Variants in S1PR4 observed in about 807,000 individuals in gnomAD.
The protein encoded by S1PR4 is sphingosine 1-phosphate receptor 4.
S1PR4 carries 1 observed loss-of-function variant against 0.4 expected under a neutral mutation model. That is an observed-to-expected ratio of 2.48 (90% CI 0.88 to 11.76). The LOEUF (loss-of-function observed/expected upper bound fraction) is 11.76, where lower values mean the gene tolerates loss of function less well. Ranked by LOEUF, S1PR4 falls within the 30% of genes most tolerant of loss-of-function variation. The pLI is 0.12. For synonymous variants in S1PR4, 296 were observed against 266.7 expected, an observed-to-expected ratio of 1.11 and a Z score of -1.07; for missense variants, 595 against 557.8, an observed-to-expected ratio of 1.07 and a Z score of -0.67.
chr19:3,180,044 A>G lies in S1PR4; in HGVS notation c.*97A>G. On this transcript the variant is annotated 3_prime_UTR_variant, in exon 1 of 1. Coordinates refer to ENST00000246115, the MANE Select transcript of S1PR4 (RefSeq NM_003775.4). ...GCTGTGTGCACGCAGCCTCGCCTGT[A>G]TGGGGAGCAGGGAACGGGACAGGCC... The G allele has an allele frequency of 8.1e-7, 1 of 1,237,050 alleles. No individual in the cohort carries two copies. Among genetic ancestry groups the G allele is most frequent in the Non-Finnish European group, 1.1e-6 (1 of 896,640 alleles). The allele number at this position is 1,237,050 out of a possible 1,614,324, so 76.6% of individuals were successfully genotyped here.
rs762368189 is a variant in S1PR4, at chr19:3,179,001, C to T, written c.209C>T (p.Ala70Val). The T allele has an allele frequency of 8.2e-6, 13 of 1,588,020 alleles. No individual in the cohort carries two copies. The highest frequency in any genetic ancestry group is 1.1e-5 in the South Asian group (1 of 89,468). The change falls in exon 1 of 1, where the codon GCC becomes GTC. Residue 70 changes from alanine to valine, a missense_variant. Transcript: ENST00000246115. ...CTGGAGAACTTGCTGGTGCTGGCGG[C>T]CATCACCAGCCACATGCGGTCGCGA... ...VVLENLLVLAAITSHMRSRRW... is the reference protein window; with the variant it reads ...VVLENLLVLAVITSHMRSRRW...
At position 3,178,850 on chromosome 19, in the gene S1PR4, G is replaced by A. The variant is rs755109529; in HGVS notation, c.58G>A (p.Gly20Arg). 43 of 1,534,566 alleles carry A rather than the reference G, an allele frequency of 2.8e-5. No homozygotes were observed. Among genetic ancestry groups the A allele is most frequent in the Admixed American group, 4.0e-5 (2 of 50,296 alleles). ...GTCCTGCCAACAGCTGGCGGCCGGC[G>A]GGCACAGCCGGCTCATTGTTCTGCA... ...PESCQQLAAGGHSRLIVLHYN... is the reference protein window; with the variant it reads ...PESCQQLAAGRHSRLIVLHYN... The change falls in exon 1 of 1, where the codon GGG (glycine) becomes AGG (arginine). Residue 20 changes from glycine to arginine, a missense_variant. Transcript: ENST00000246115.
Position 3,179,520 on chromosome 19 carries a change from G to A in S1PR4, c.728G>A (p.Arg243His), listed in dbSNP as rs566167311. ...CAGAAGGCCCCACGCCCAGCGGCCC[G>A]CCGCAAGGCCCGCCGCCTGCTGAAG... is the stretch of plus-strand genomic sequence containing the variant. The part of the protein sequence containing the change: ...SGQKAPRPAA[R>H]RKARRLLKTV... The change falls in exon 1 of 1, where the codon CGC becomes CAC. Residue 243 changes from arginine to histidine, a missense_variant. Coordinates refer to ENST00000246115, the MANE Select transcript of S1PR4 (RefSeq NM_003775.4). 1.9e-4 allele frequency: 303 copies of A among 1,611,256 alleles called. 1 individual carries two copies. Among genetic ancestry groups the A allele is most frequent in the South Asian group, 8.1e-4 (74 of 90,922 alleles).
At position 3,178,783 on chromosome 19, in the gene S1PR4, G is replaced by A. The variant is rs534853892; in HGVS notation, c.-10G>A. On this transcript the variant is annotated 5_prime_UTR_variant, in exon 1 of 1. Coordinates refer to ENST00000246115, the MANE Select transcript of S1PR4 (RefSeq NM_003775.4). ...CTGCGTCGGGCCTCAGTCAGCCCCC[G>A]GGGGAGGCCATGAACGCCACGGGGA... 4.6e-5 allele frequency: 68 copies of A among 1,472,622 alleles called. No homozygotes were observed. Among genetic ancestry groups the A allele is most frequent in the South Asian group, 1.2e-4 (9 of 74,122 alleles). The allele number at this position is 1,472,622 out of a possible 1,614,324, so 91.2% of individuals were successfully genotyped here.
In S1PR4 at chr19:3,178,839, T is replaced by C; in HGVS notation, c.47T>C (p.Leu16Pro). Residue 16 changes from leucine (L) to proline (P), a missense_variant, in exon 1 of 1, where the codon CTG (leucine) becomes CCG (proline). Physicochemically the swap from Leu to Pro is moderately conservative, Grantham distance 98. Coordinates refer to ENST00000246115, the MANE Select transcript of S1PR4 (RefSeq NM_003775.4). ...GTGGCCCCCGAGTCCTGCCAACAGC[T>C]GGCGGCCGGCGGGCACAGCCGGCTC... ...TPVAPESCQQLAAGGHSRLIV... is the reference protein window; with the variant it reads ...TPVAPESCQQPAAGGHSRLIV... 2 of 1,535,556 alleles carry C rather than the reference T, an allele frequency of 1.3e-6. No individual in the cohort carries two copies. The highest frequency in any genetic ancestry group is 2.5e-5 in the East Asian group (1 of 40,036).
chr19:3,179,125 C>A lies in S1PR4; in HGVS notation c.333C>A (p.Phe111Leu). 1 of 1,611,838 alleles carries A rather than the reference C, an allele frequency of 6.2e-7. No homozygotes were observed. Among genetic ancestry groups the A allele is most frequent in the African/African-American group, 1.3e-5 (1 of 75,062 alleles). The part of the protein sequence containing the change: ...ANVLLSGART[F>L]RLAPAQWFLR... ...TGCTGCTGTCGGGGGCCCGCACCTT[C>A]CGTCTGGCGCCCGCCCAGTGGTTCC... Residue 111 changes from phenylalanine (F) to leucine (L), a missense_variant, in exon 1 of 1, where the codon TTC becomes TTA. Coordinates refer to ENST00000246115, the MANE Select transcript of S1PR4 (RefSeq NM_003775.4).
Position 3,179,846 on chromosome 19 carries a change from G to C in S1PR4, c.1054G>C (p.Asp352His). ...VEAHSGASTT[D>H]SSLRPRDSFR... is the part of the protein sequence containing the mutation. The stretch of plus-strand genomic sequence containing the variant: ...GGCTCACTCCGGAGCTTCCACCACC[G>C]ACAGCTCTCTGAGGCCAAGGGACAG... The change falls in exon 1 of 1, where the codon GAC becomes CAC. Residue 352 changes from aspartate (D) to histidine (H), a missense_variant. Coordinates refer to ENST00000246115, the MANE Select transcript of S1PR4 (RefSeq NM_003775.4). The C allele has an allele frequency of 6.3e-7, 1 of 1,581,154 alleles. No individual in the cohort carries two copies. The highest frequency in any genetic ancestry group is 8.6e-7 in the Non-Finnish European group (1 of 1,163,692).
chr19:3,180,229 C>G lies in S1PR4; in HGVS notation c.*282C>G, dbSNP rs1450766808. 2 of 399,100 alleles carry G rather than the reference C, an allele frequency of 5.0e-6. No homozygotes were observed. The highest frequency in any genetic ancestry group is 4.1e-5 in the African/African-American group (2 of 48,198). The allele number at this position is 399,100 out of a possible 1,614,324, so 24.7% of individuals were successfully genotyped here. On this transcript the variant is annotated 3_prime_UTR_variant, in exon 1 of 1. Transcript: ENST00000246115. ...CCCACAACCCCGCTTCTGTGTGATT[C>G]TGGGGAAGTCCCGGCCCCTCTCTGG...
chr19:3,179,762 T>C lies in S1PR4; in HGVS notation c.970T>C (p.Cys324Arg). ...CAGAGCCGTGCTCAGCTTCCTCTGC[T>C]GCGGGTGTCTCCGGCTGGGCATGCG... Reference protein sequence around the residue: ...VCRAVLSFLCCGCLRLGMRGP... With the variant: ...VCRAVLSFLCRGCLRLGMRGP... Residue 324 changes from cysteine to arginine, a missense_variant, in exon 1 of 1, where the codon TGC becomes CGC. Transcript: ENST00000246115. The C allele has an allele frequency of 6.2e-7, 1 of 1,610,626 alleles. No homozygotes were observed. The highest frequency in any genetic ancestry group is 8.5e-7 in the Non-Finnish European group (1 of 1,178,792).
chr19:3,180,067 G>T lies in S1PR4; in HGVS notation c.*120G>T, dbSNP rs1271199524. The T allele has an allele frequency of 1.6e-5, 16 of 973,334 alleles. No individual in the cohort carries two copies. In the East Asian group the frequency reaches 4.6e-4, roughly 28 times the overall value. 60.3% of individuals were successfully genotyped at this position (973,334 alleles called of 1,614,324 possible). A position where few individuals can be genotyped will look rare whatever the true frequency, so the allele number is the denominator to read the frequency against. On this transcript the variant is annotated 3_prime_UTR_variant, in exon 1 of 1. Coordinates refer to ENST00000246115, the MANE Select transcript of S1PR4 (RefSeq NM_003775.4). ...GTATGGGGAGCAGGGAACGGGACAG[G>T]CCCCCATGGTCTTCCCGGTGGCCTC... is the stretch of plus-strand genomic sequence containing the variant.
Position 3,179,109 on chromosome 19 carries a change from CG to C in S1PR4, c.322del (p.Ala108ProfsTer103). ...GCCTACCTGGCCAACGTGCTGCTGT[CG>C]GGGGCCCGCACCTTCCGTCTGGCGC... ...GAAYLANVLLSGARTFRLAPA... is the reference protein window; with the variant it reads ...GAAYLANVLLXGARTFRLAPA... On this transcript the variant is annotated frameshift_variant, in exon 1 of 1. Transcript: ENST00000246115. LOFTEE classifies it low-confidence loss of function (END_TRUNC). 1.2e-6 allele frequency: 2 copies of C among 1,611,484 alleles called. No homozygotes were observed.
Position 3,178,807 on chromosome 19 carries a change from G to T in S1PR4, c.15G>T (p.Gly5=), listed in dbSNP as rs556743378. Reference sequence around the variant, plus strand: ...CGGGGGAGGCCATGAACGCCACGGGGACCCCGGTGGCCCCCGAGTCCTGCC... The same window carrying T: ...CGGGGGAGGCCATGAACGCCACGGGTACCCCGGTGGCCCCCGAGTCCTGCC... The part of the protein sequence containing the change: MNAT[G]TPVAPESCQQ... The change falls in exon 1 of 1, where the codon GGG becomes GGT. Residue 5 remains glycine, a synonymous_variant. Transcript: ENST00000246115. The T allele has an allele frequency of 1.2e-4, 183 of 1,511,052 alleles. 1 individual carries two copies. In the African/African-American group the frequency reaches 2.4e-3, roughly 20 times the overall value. The allele number at this position is 1,511,052 out of a possible 1,614,324, so 93.6% of individuals were successfully genotyped here. A position where few individuals can be genotyped will look rare whatever the true frequency, so the allele number is the denominator to read the frequency against.
In S1PR4 at chr19:3,179,819, G is replaced by A. The variant is rs533823965; in HGVS notation, c.1027G>A (p.Glu343Lys). 8.3e-5 allele frequency: 132 copies of A among 1,594,416 alleles called. 2 individuals are homozygous for A. The highest frequency in any genetic ancestry group is 5.1e-4 in the South Asian group (46 of 89,728). ...GPGDCLARAV[E>K]AHSGASTTDS... Reference sequence around the variant, plus strand: ...CGGGGACTGCCTGGCCCGGGCCGTCGAGGCTCACTCCGGAGCTTCCACCAC... The same window carrying A: ...CGGGGACTGCCTGGCCCGGGCCGTCAAGGCTCACTCCGGAGCTTCCACCAC... The change falls in exon 1 of 1, where the codon GAG becomes AAG. Residue 343 changes from glutamate to lysine, a missense_variant. Transcript: ENST00000246115.
rs1438202088 is a variant in S1PR4, at chr19:3,179,445, C to G, written c.653C>G (p.Thr218Ser). 13 of 1,613,258 alleles carry G rather than the reference C, an allele frequency of 8.1e-6. No individual in the cohort carries two copies. The highest frequency in any genetic ancestry group is 9.3e-6 in the Non-Finnish European group (11 of 1,179,920). Reference protein sequence around the residue: ...CLVIFAGVLATIMGLYGAIFR... With the variant: ...CLVIFAGVLASIMGLYGAIFR... Reference sequence around the variant, plus strand: ...GTGATCTTCGCCGGCGTCCTGGCCACCATCATGGGCCTCTATGGGGCCATC... The same window carrying G: ...GTGATCTTCGCCGGCGTCCTGGCCAGCATCATGGGCCTCTATGGGGCCATC... The change falls in exon 1 of 1, where the codon ACC (threonine) becomes AGC (serine). Residue 218 changes from threonine (T) to serine (S), a missense_variant. Transcript: ENST00000246115.
rs542033805 is a variant in S1PR4 at position 3,180,029 on chromosome 19, C to A, written c.*82C>A. The A allele has an allele frequency of 7.5e-6, 10 of 1,337,496 alleles. No individual in the cohort carries two copies. In the South Asian group the frequency reaches 1.2e-4, roughly 16 times the overall value. 82.9% of individuals were successfully genotyped at this position (1,337,496 alleles called of 1,614,324 possible). On this transcript the variant is annotated 3_prime_UTR_variant, in exon 1 of 1. Transcript: ENST00000246115. The stretch of plus-strand genomic sequence containing the variant: ...CCTGGGGTACAGGAAGCTGTGTGCA[C>A]GCAGCCTCGCCTGTATGGGGAGCAG...
chr19:3,179,906 C>T lies in S1PR4; in HGVS notation c.1114C>T (p.Arg372Trp), dbSNP rs201301306. The T allele has an allele frequency of 2.6e-6, 4 of 1,519,456 alleles. No individual in the cohort carries two copies. Among genetic ancestry groups the T allele is most frequent in the East Asian group, 2.3e-5 (1 of 43,574 alleles). The allele number at this position is 1,519,456 out of a possible 1,614,324, so 94.1% of individuals were successfully genotyped here. The change falls in exon 1 of 1, where the codon CGG becomes TGG. Residue 372 changes from arginine (R) to tryptophan (W), a missense_variant. Arg to Trp is a moderately radical substitution (Grantham distance 101). Transcript: ENST00000246115. ...RGSRSLSFRM[R>W]EPLSSISSVR... ...CTCCCGCTCGCTCAGCTTTCGGATG[C>T]GGGAGCCCCTGTCCAGCATCTCCAG...
chr19:3,179,862 C>T lies in S1PR4; in HGVS notation c.1070C>T (p.Pro357Leu). The T allele has an allele frequency of 6.4e-7, 1 of 1,559,308 alleles. No homozygotes were observed. Among genetic ancestry groups the T allele is most frequent in the Non-Finnish European group, 8.7e-7 (1 of 1,153,102 alleles). The part of the protein sequence containing the change: ...GASTTDSSLR[P>L]RDSFRGSRSL... The stretch of plus-strand genomic sequence containing the variant: ...TCCACCACCGACAGCTCTCTGAGGC[C>T]AAGGGACAGCTTTCGCGGCTCCCGC... Residue 357 changes from proline (P) to leucine (L), a missense_variant, in exon 1 of 1, where the codon CCA becomes CTA. By Grantham distance (98) the Pro-to-Leu change is moderately conservative. Transcript: ENST00000246115.
chr19:3,179,901 G>T lies in S1PR4; in HGVS notation c.1109G>T (p.Arg370Leu), dbSNP rs565159263. The change falls in exon 1 of 1, where the codon CGG (arginine) becomes CTG (leucine). Residue 370 changes from arginine to leucine, a missense_variant. Coordinates refer to ENST00000246115, the MANE Select transcript of S1PR4 (RefSeq NM_003775.4). ...SFRGSRSLSFRMREPLSSISS... is the reference protein window; with the variant it reads ...SFRGSRSLSFLMREPLSSISS... ...CGCGGCTCCCGCTCGCTCAGCTTTCGGATGCGGGAGCCCCTGTCCAGCATC... is the reference window on the plus strand; with the variant it reads ...CGCGGCTCCCGCTCGCTCAGCTTTCTGATGCGGGAGCCCCTGTCCAGCATC... 3.3e-6 allele frequency: 5 copies of T among 1,521,494 alleles called. No homozygotes were observed. Among genetic ancestry groups the T allele is most frequent in the Non-Finnish European group, 4.4e-6 (5 of 1,135,734 alleles). The allele number at this position is 1,521,494 out of a possible 1,614,324, so 94.2% of individuals were successfully genotyped here.
chr19:3,178,817 GC>G lies in S1PR4; in HGVS notation c.30del (p.Glu11SerfsTer76). On this transcript the variant is annotated frameshift_variant, in exon 1 of 1. Coordinates refer to ENST00000246115, the MANE Select transcript of S1PR4 (RefSeq NM_003775.4). LOFTEE classifies it low-confidence loss of function (END_TRUNC). The stretch of plus-strand genomic sequence containing the variant: ...CATGAACGCCACGGGGACCCCGGTG[GC>G]CCCCGAGTCCTGCCAACAGCTGGCG... The part of the protein sequence containing the change: MNATGTPV[A>X]PESCQQLAAG... 3 of 1,523,394 alleles carry G rather than the reference GC, an allele frequency of 2.0e-6. No individual in the cohort carries two copies. The allele number at this position is 1,523,394 out of a possible 1,614,324, so 94.4% of individuals were successfully genotyped here. A position where few individuals can be genotyped will look rare whatever the true frequency, so the allele number is the denominator to read the frequency against.
Sources: gnomAD v4.1 joint callset for allele counts on GRCh38, gnomAD v4.1.1 for gene constraint, MANE v1.5 for transcripts, NCBI Gene and HGNC (gene_info 2026-07-23, HGNC 2026-07-21) for gene names.